KCTD8: variants seen among roughly 807,000 people sequenced by gnomAD.
KCTD8 encodes BTB/POZ domain-containing protein KCTD8.
In KCTD8, 27 loss-of-function variants were observed where a neutral mutation model predicts 31.5. The ratio of observed to expected loss-of-function variants is 0.86; its 90% CI spans 0.63 to 1.18. KCTD8 has a LOEUF of 1.18. KCTD8 is among the 50% of genes most tolerant of loss of function. KCTD8 has a pLI of 0.00. For synonymous variants in KCTD8, 290 were observed against 280.0 expected, an observed-to-expected ratio of 1.04 and a Z score of -0.36; for missense variants, 658 against 647.7, an observed-to-expected ratio of 1.02 and a Z score of -0.17.
At chr4:44,178,041 A>G (rs1057308233) in intron 1 of KCTD8, among the ~76,000 whole-genome samples, 1 of 152,204 alleles carries the variant, frequency 6.6e-6, no homozygotes, top group African/African-American at 2.4e-5. Flanking sequence ...AAAATTTGAA[A>G]ATAAATAGGT....
chr4:44,356,514 C>T (rs914686006), intron 1 of KCTD8, among the ~76,000 whole-genome samples: 1 of 152,074 alleles, frequency 6.6e-6, no homozygotes, highest in African/African-American at 2.4e-5. Context: ...TGCTCTGTTG[C>T]CCAGGCTGGA....
chr4:44,348,811 C>CT (rs917380841), intron 1 of KCTD8, among the ~76,000 whole-genome samples: 3 of 152,094 alleles, frequency 2.0e-5, no homozygotes, highest in Admixed American at 6.6e-5. Flanking sequence ...TGTGTTCACC[C>CT]TCCTTGACAG....
At chr4:44,322,428 T>C (rs1345071909) in intron 1 of KCTD8, among the ~76,000 whole-genome samples, 1 of 152,058 alleles carries the variant, frequency 6.6e-6, no homozygotes, top group Non-Finnish European at 1.5e-5. Flanking sequence ...TCTTGCCCAT[T>C]CTTTAATTGG....
chr4:44,283,186 A>C (rs1716950719), intron 1 of KCTD8, among the ~76,000 whole-genome samples: 1 of 151,772 alleles, frequency 6.6e-6, no homozygotes, highest in Admixed American at 6.6e-5. Context: ...AGTAGTTGGG[A>C]TTACGGGCAT....
At chr4:44,320,059 G>A (rs940779636) in intron 1 of KCTD8, among the ~76,000 whole-genome samples, 1 of 148,728 alleles carries the variant, frequency 6.7e-6, no homozygotes, top group Non-Finnish European at 1.5e-5. Flanking sequence ...GTAATTCCAG[G>A]TACTTGGGAG....
intron 1 of KCTD8, among the ~76,000 whole-genome samples, chr4:44,185,903 T>C (rs187798675): frequency 3.6e-4 from 54 of 152,052 alleles, no homozygotes; most frequent in Admixed American, 2.4e-3. Flanking sequence ...ACAAAACACA[T>C]ACACACTAAT....
chr4:44,434,049 C>A (rs1721579033), intron 1 of KCTD8, among the ~76,000 whole-genome samples: 1 of 151,792 alleles, frequency 6.6e-6, no homozygotes, highest in Non-Finnish European at 1.5e-5. Context: ...GCCTACATTT[C>A]CAGATTTTTC....
At chr4:44,389,047 TA>T in intron 1 of KCTD8, among the ~76,000 whole-genome samples, 1 of 151,742 alleles carries the variant, frequency 6.6e-6, no homozygotes, top group Admixed American at 6.6e-5. Flanking sequence ...CACAAGCTCT[TA>T]CTTATTTGTG....
rs548331684 is a variant in KCTD8 at position 44,373,075 on chromosome 4, T to C, written c.961+74488A>G. 6.3e-4 allele frequency among the ~76,000 whole-genome samples: 96 copies of C among 152,020 alleles called. No individual in the cohort carries two copies. The South Asian group carries it at 0.019, about 30-fold the overall frequency. ...CATAGACTAAGATCCTCAAAAAAGG[T>C]CAATAGAGGCCGGGCGCAGTGGCTC... On this transcript the variant is annotated intron_variant, in intron 1 of 1. Transcript: ENST00000360029.
At chr4:44,394,542 G>A (rs1720448558) in intron 1 of KCTD8, among the ~76,000 whole-genome samples, 1 of 152,054 alleles carries the variant, frequency 6.6e-6, no homozygotes, top group African/African-American at 2.4e-5. Context: ...CACTGATGTG[G>A]TCATTATGAA....
intron 1 of KCTD8, among the ~76,000 whole-genome samples, chr4:44,355,907 T>A (rs1719329109): frequency 6.6e-6 from 1 of 150,464 alleles, no homozygotes; most frequent in South Asian, 2.1e-4. Flanking sequence ...CTAAGTATAA[T>A]CATTAAAGTA....
In KCTD8 at chr4:44,447,869, T is replaced by C. The variant is rs1168908152; in HGVS notation, c.655A>G (p.Thr219Ala). 1 of 1,565,490 alleles carries C rather than the reference T, an allele frequency of 6.4e-7. No homozygotes were observed. The highest frequency in any genetic ancestry group is 1.4e-5 in the African/African-American group (1 of 73,726). ...LTLGYRGSYT[T>A]VRDNQADAKF... The stretch of plus-strand genomic sequence containing the variant: ...GCGTCGGCCTGGTTGTCGCGCACGG[T>C]GGTGTAGGAGCCCCGGTAGCCCAGC... Residue 219 changes from threonine to alanine, a missense_variant, in exon 1 of 2, where the codon ACC (threonine) becomes GCC (alanine). Coordinates refer to ENST00000360029, the MANE Select transcript of KCTD8 (RefSeq NM_198353.3).
chr4:44,263,320 C>T (rs1416006030), intron 1 of KCTD8, among the ~76,000 whole-genome samples: 6 of 152,044 alleles, frequency 3.9e-5, no homozygotes, highest in Non-Finnish European at 5.9e-5. Flanking sequence ...ATGATCATAT[C>T]TCTGGGTTCT....
chr4:44,245,571 C>T lies in KCTD8; in HGVS notation c.962-70321G>A, dbSNP rs1676951775. 2.6e-5 allele frequency among the ~76,000 whole-genome samples: 4 copies of T among 151,748 alleles called. No homozygotes were observed. In the South Asian group the frequency reaches 8.3e-4, roughly 32 times the overall value. ...TTTATTTGCAGGGAAAAAATTTAAG[C>T]TATAAGTAGAAAGATAATATTTTTT... On this transcript the variant is annotated intron_variant, in intron 1 of 1. Transcript: ENST00000360029.
At position 44,448,168 on chromosome 4, in the gene KCTD8, G is replaced by A. The variant is rs199599084; in HGVS notation, c.356C>T (p.Ala119Val). The A allele has an allele frequency of 6.2e-7, 1 of 1,612,436 alleles. No homozygotes were observed. The highest frequency in any genetic ancestry group is 8.5e-7 in the Non-Finnish European group (1 of 1,179,712). The change falls in exon 1 of 2, where the codon GCG (alanine) becomes GTG (valine). Residue 119 changes from alanine (A) to valine (V), a missense_variant. By Grantham distance (64) the Ala-to-Val change is moderately conservative. Transcript: ENST00000360029. The surrounding 1 kb of genome is among the most constrained non-coding windows in gnomAD (Gnocchi z 4.1). ...CTTCTCGGGGAAGTGCTCCGGCAGCGCGAGTTGCTTGTCCCGCAGATAATC... is the reference window on the plus strand; with the variant it reads ...CTTCTCGGGGAAGTGCTCCGGCAGCACGAGTTGCTTGTCCCGCAGATAATC... ...VLDYLRDKQL[A>V]LPEHFPEKER...
chr4:44,391,650 AT>A (rs977965604), intron 1 of KCTD8, among the ~76,000 whole-genome samples: 3 of 151,882 alleles, frequency 2.0e-5, no homozygotes, highest in Non-Finnish European at 2.9e-5. Context: ...TGTTCATGTT[AT>A]CAGTAAGACT....
At chr4:44,390,808 G>A (rs1449553563) in intron 1 of KCTD8, among the ~76,000 whole-genome samples, 1 of 151,964 alleles carries the variant, frequency 6.6e-6, no homozygotes, top group African/African-American at 2.4e-5. Flanking sequence ...CATTGATGTG[G>A]TGAAAAGGGA....
At chr4:44,233,059 T>A (rs1489853606) in intron 1 of KCTD8, among the ~76,000 whole-genome samples, 4 of 152,044 alleles carry the variant, frequency 2.6e-5, no homozygotes, top group African/African-American at 4.8e-5. Context: ...AACTGATAAC[T>A]TTGCTAATAT....
chr4:44,327,766 C>T (rs1479088128), intron 1 of KCTD8, among the ~76,000 whole-genome samples: 1 of 151,798 alleles, frequency 6.6e-6, no homozygotes, highest in East Asian at 1.9e-4. Context: ...TGTGCCTCGA[C>T]AGCCCCATCT....
Sources: allele counts gnomAD v4.1 joint callset (sites outside exome capture counted in the v4.1 genomes callset), GRCh38; gene constraint gnomAD v4.1.1; non-coding constraint Gnocchi (gnomAD v3.1); transcripts MANE v1.5; gene names NCBI Gene and HGNC (gene_info 2026-07-23, HGNC 2026-07-21).